DPM1: variants seen among roughly 807,000 people sequenced by gnomAD.
DPM1 encodes dolichol-phosphate mannosyltransferase subunit 1.
A neutral mutation model predicts 39.0 loss-of-function variants in DPM1; 27 were observed. That is an observed-to-expected ratio of 0.69 (90% CI 0.51 to 0.95). The LOEUF (loss-of-function observed/expected upper bound fraction) is 0.95. DPM1 is among the 40% of genes least tolerant of loss of function. The pLI is 0.00. For missense variants in DPM1, 307 were observed against 315.6 expected (o/e 0.97, Z 0.21); for synonymous variants, 124 against 109.0 (o/e 1.14, Z -0.86).
rs769366998 is a variant in DPM1, at chr20:50,958,369, G to C, written c.155C>G (p.Ser52Cys). 1 of 1,613,642 alleles carries C rather than the reference G, an allele frequency of 6.2e-7. No individual in the cohort carries two copies. The highest frequency in any genetic ancestry group is 8.5e-7 in the Non-Finnish European group (1 of 1,180,030). Residue 52 changes from serine to cysteine, a missense_variant, in exon 1 of 9, where the codon TCC (serine) becomes TGC (cysteine). Coordinates refer to ENST00000371588, the MANE Select transcript of DPM1 (RefSeq NM_003859.3). ...GGGAGACCTGGTGCGCTACCTCTCGGAGAAGCTTTTCACCAGCAGCCACAC... is the reference window on the plus strand; with the variant it reads ...GGGAGACCTGGTGCGCTACCTCTCGCAGAAGCTTTTCACCAGCAGCCACAC... ...LIVWLLVKSF[S>C]ESGINYEIII...
chr20:50,943,770 C>T (rs1168771177), intron 5 of DPM1, among the ~76,000 whole-genome samples: 6 of 143,642 alleles, frequency 4.2e-5, no homozygotes, highest in African/African-American at 1.3e-4. Context: ...GATGGAGTCT[C>T]GCTCTGTCGC....
chr20:50,944,283 T>G (rs1334886549), intron 5 of DPM1: 2 of 152,252 alleles, frequency 1.3e-5, no homozygotes, highest in African/African-American at 2.4e-5. Context: ...GAAGAACGTC[T>G]TCTTTTATTA....
In DPM1 at chr20:50,936,278, AAT is replaced by A. The variant is rs759107587; in HGVS notation, c.564-18_564-17del. The A allele has an allele frequency of 2.7e-6, 4 of 1,491,442 alleles. No individual in the cohort carries two copies. The East Asian group carries it at 9.2e-5, about 34-fold the overall frequency. 92.4% of individuals were successfully genotyped at this position (1,491,442 alleles called of 1,614,324 possible). ...TCGGTATAATCTGTAAGAAATTAAA[AAT>A]ATATATCAACTTCTGGATAAATACA... is the stretch of plus-strand genomic sequence containing the variant. On this transcript the variant is annotated splice_polypyrimidine_tract_variant and intron_variant, in intron 7 of 8. Coordinates refer to ENST00000371588, the MANE Select transcript of DPM1 (RefSeq NM_003859.3).
chr20:50,934,995 G>A lies in DPM1; in HGVS notation c.*137C>T. On this transcript the variant is annotated 3_prime_UTR_variant, in exon 9 of 9. Coordinates refer to ENST00000371588, the MANE Select transcript of DPM1 (RefSeq NM_003859.3). ...ATTTAATTTGAAATATAAAATAGGTGGTCTTCATAAAAAGATGCATGAAAT... is the reference window on the plus strand; with the variant it reads ...ATTTAATTTGAAATATAAAATAGGTAGTCTTCATAAAAAGATGCATGAAAT... The A allele has an allele frequency of 1.7e-6, 1 of 595,974 alleles. No individual in the cohort carries two copies. The highest frequency in any genetic ancestry group is 2.1e-5 in the South Asian group (1 of 46,762). The allele number at this position is 595,974 out of a possible 1,614,324, so 36.9% of individuals were successfully genotyped here.
At chr20:50,938,678 C>G (rs890557776) in intron 7 of DPM1, among the ~76,000 whole-genome samples, 2 of 149,856 alleles carry the variant, frequency 1.3e-5, no homozygotes, top group African/African-American at 2.4e-5. Flanking sequence ...CCGCGCCCAG[C>G]CTATTTAAAA....
In DPM1 at chr20:50,942,014, G is replaced by C; in HGVS notation, c.494+17C>G. ...CAGTAGTTATACTAATAAAGAAGTT[G>C]TAACACATGTACCTACCTGATTATT... On this transcript the variant is annotated intron_variant, in intron 6 of 8. Transcript: ENST00000371588. 6.3e-7 allele frequency: 1 copy of C among 1,591,622 alleles called. No individual in the cohort carries two copies. Among genetic ancestry groups the C allele is most frequent in the East Asian group, 2.2e-5 (1 of 44,764 alleles).
chr20:50,948,153 G>A (rs1266760783), intron 3 of DPM1, among the ~76,000 whole-genome samples: 3 of 152,142 alleles, frequency 2.0e-5, no homozygotes, highest in Admixed American at 1.3e-4. Context: ...AGTCTAAGTG[G>A]TCCTCCCTCT....
intron 1 of DPM1, among the ~76,000 whole-genome samples, chr20:50,955,696 T>C (rs1986789855): frequency 6.6e-6 from 1 of 152,304 alleles, no homozygotes; most frequent in Admixed American, 6.5e-5. Flanking sequence ...CCGGAGTAGC[T>C]GGGACTACAG....
At chr20:50,945,190 C>T (rs1166435440) in intron 5 of DPM1, 1 of 153,906 alleles carries the variant, frequency 6.5e-6, no homozygotes, top group Non-Finnish European at 1.4e-5. Flanking sequence ...CATCTTCCAC[C>T]TTTTTCTGTG....
intron 2 of DPM1, among the ~76,000 whole-genome samples, chr20:50,950,412 A>G (rs934863740): frequency 8.5e-5 from 13 of 152,256 alleles, no homozygotes; most frequent in Admixed American, 2.0e-4. Context: ...AACAAAATCG[A>G]GCAGGATATA....
chr20:50,947,688 G>T (rs1986367637), intron 3 of DPM1, among the ~76,000 whole-genome samples: 1 of 152,146 alleles, frequency 6.6e-6, no homozygotes, highest in African/African-American at 2.4e-5. Flanking sequence ...GAGTGCAGTG[G>T]TGTGATCTCG....
At position 50,958,369 on chromosome 20, in the gene DPM1, GAGA is replaced by G; in HGVS notation, c.152_154del (p.Phe51del). ...GGGAGACCTGGTGCGCTACCTCTCG[GAGA>G]AGCTTTTCACCAGCAGCCACACGAT... On this transcript the variant is annotated inframe_deletion, in exon 1 of 9. Coordinates refer to ENST00000371588, the MANE Select transcript of DPM1 (RefSeq NM_003859.3). 4 of 1,613,642 alleles carry G rather than the reference GAGA, an allele frequency of 2.5e-6. No individual in the cohort carries two copies. The highest frequency in any genetic ancestry group is 2.5e-6 in the Non-Finnish European group (3 of 1,180,030).
At chr20:50,941,074 A>G in intron 6 of DPM1, 141 bp from the exon 7 acceptor site, 1 of 988,820 alleles carries the variant, frequency 1.0e-6, no homozygotes, top group Non-Finnish European at 1.5e-6. Flanking sequence ...ATCTAGAACA[A>G]AATAGAAATT....
Position 50,958,440 on chromosome 20 carries a change from C to A in DPM1, c.84G>T (p.Ser28=), listed in dbSNP as rs16995639. 1 of 1,613,958 alleles carries A rather than the reference C, an allele frequency of 6.2e-7. No individual in the cohort carries two copies. The highest frequency in any genetic ancestry group is 1.3e-5 in the African/African-American group (1 of 74,898). ...GCTCGTTGTAGGTAGGTAAAAGCAC[C>A]GAATATTTGTTCTGTCGTGGACTGC... ...EVRSPRQNKY[S]VLLPTYNERE... The change falls in exon 1 of 9, where the codon TCG becomes TCT. Residue 28 remains serine, a synonymous_variant. Coordinates refer to ENST00000371588, the MANE Select transcript of DPM1 (RefSeq NM_003859.3).
chr20:50,941,810 A>G (rs934316117), intron 6 of DPM1, among the ~76,000 whole-genome samples: 1 of 152,208 alleles, frequency 6.6e-6, no homozygotes, highest in African/African-American at 2.4e-5. Context: ...GAATGAGACC[A>G]TTTCTACCAA....
chr20:50,936,668 T>C (rs1467329244), intron 7 of DPM1, among the ~76,000 whole-genome samples: 1 of 152,214 alleles, frequency 6.6e-6, no homozygotes, highest in East Asian at 1.9e-4. Context: ...CAACTATATA[T>C]GTTAGATGAC....
At chr20:50,958,564 G>C, upstream of DPM1, 4 of 1,612,128 alleles carry the variant, frequency 2.5e-6, no homozygotes, top group Non-Finnish European at 3.4e-6. Context: ...ATTACGTAAT[G>C]TGGCGCGGAA....
At chr20:50,935,834 A>G (rs1985105071) in intron 8 of DPM1, among the ~76,000 whole-genome samples, 2 of 152,196 alleles carry the variant, frequency 1.3e-5, no homozygotes, top group South Asian at 2.1e-4. Context: ...TATGGTGGCC[A>G]TTGGCGGTGA....
At chr20:50,935,312 C>A in intron 8 of DPM1, 76 bp from the exon 9 acceptor site, 1 of 882,646 alleles carries the variant, frequency 1.1e-6, no homozygotes, top group Non-Finnish European at 1.9e-6. Flanking sequence ...ACATTACCAA[C>A]ACAACAGAAA....
Sources: allele counts gnomAD v4.1 joint callset (sites outside exome capture counted in the v4.1 genomes callset), GRCh38; gene constraint gnomAD v4.1.1; transcripts MANE v1.5; gene names NCBI Gene and HGNC (gene_info 2026-07-23, HGNC 2026-07-21).